Variants in RBFOX1 observed in about 807,000 individuals in gnomAD.
The protein encoded by RBFOX1 is RNA binding protein fox-1 homolog 1.
RBFOX1 carries 8 observed loss-of-function variants against 57.7 expected under a neutral mutation model. The ratio of observed to expected loss-of-function variants is 0.14; its 90% CI spans 0.08 to 0.25. The LOEUF (loss-of-function observed/expected upper bound fraction) is 0.25. RBFOX1 is among the 10% of genes least tolerant of loss of function. RBFOX1 has a pLI of 1.00. For missense variants in RBFOX1, 611 were observed against 548.5 expected (o/e 1.11, Z -1.14); for synonymous variants, 326 against 222.4 (o/e 1.47, Z -4.15).
intron 2 of RBFOX1, among the ~76,000 whole-genome samples, chr16:5,556,767 C>G (rs73524704): frequency 2.6e-5 from 4 of 151,362 alleles, no homozygotes; most frequent in South Asian, 4.2e-4. Flanking sequence ...AAAGATGCCA[C>G]GAAAACAAAA....
At chr16:5,308,435 C>G (rs770017396) in intron 1 of RBFOX1, among the ~76,000 whole-genome samples, 1 of 152,100 alleles carries the variant, frequency 6.6e-6, no homozygotes, top group Admixed American at 6.5e-5. Flanking sequence ...TGGTGATCAC[C>G]AAGGCTCAGA....
At chr16:5,323,472 C>T (rs1433888637) in intron 1 of RBFOX1, among the ~76,000 whole-genome samples, 1 of 152,214 alleles carries the variant, frequency 6.6e-6, no homozygotes, top group Non-Finnish European at 1.5e-5. Flanking sequence ...GGTTCTCTGG[C>T]ATCTGAAACA....
chr16:6,235,558 A>ATG (rs3064942), intron 1 of RBFOX1, among the ~76,000 whole-genome samples: 9,302 of 147,134 alleles, frequency 0.063, 374 homozygotes, highest in Middle Eastern at 0.14. Flanking sequence ...GCGTGTATGT[A>ATG]TGTGTGTGTG....
chr16:6,676,701 G>C (rs1423533467), intron 3 of RBFOX1, among the ~76,000 whole-genome samples: 21 of 100,998 alleles, frequency 2.1e-4, no homozygotes, highest in Non-Finnish European at 3.5e-4. Flanking sequence ...TTGAGACAAA[G>C]TCTCACTCTT....
At chr16:6,510,844 G>T (rs1397218587) in intron 2 of RBFOX1, among the ~76,000 whole-genome samples, 1 of 150,946 alleles carries the variant, frequency 6.6e-6, no homozygotes, top group Non-Finnish European at 1.5e-5. Flanking sequence ...CACCCTTAGT[G>T]CTGCACCCTT....
chr16:6,301,131 AT>A (rs1348977352), intron 1 of RBFOX1, among the ~76,000 whole-genome samples: 2 of 152,168 alleles, frequency 1.3e-5, no homozygotes, highest in Non-Finnish European at 2.9e-5. Context: ...TGGAATGTAG[AT>A]TTTTTTCTTT....
chr16:6,781,058 A>C (rs1251142395), intron 3 of RBFOX1, among the ~76,000 whole-genome samples: 2 of 152,136 alleles, frequency 1.3e-5, no homozygotes, highest in Non-Finnish European at 2.9e-5. Context: ...TTACTCAAAA[A>C]GTATTTACCC....
intron 4 of RBFOX1, among the ~76,000 whole-genome samples, chr16:7,366,540 T>C (rs2097452730): frequency 6.6e-6 from 1 of 152,188 alleles, no homozygotes; most frequent in Non-Finnish European, 1.5e-5. Context: ...CCTTCCTCCC[T>C]GGTCCAACCA....
At chr16:6,024,926 G>A (rs923348298) in intron 1 of RBFOX1, among the ~76,000 whole-genome samples, 6 of 152,228 alleles carry the variant, frequency 3.9e-5, no homozygotes, top group African/African-American at 1.4e-4. Context: ...TAGGATAGTT[G>A]TCTGCATGGA....
intron 10 of RBFOX1, among the ~76,000 whole-genome samples, chr16:7,625,764 T>C (rs1176233211): frequency 6.6e-6 from 1 of 152,214 alleles, no homozygotes; most frequent in South Asian, 2.1e-4. Context: ...CGGGCAGACA[T>C]TGCCAAACAG....
intron 4 of RBFOX1, among the ~76,000 whole-genome samples, chr16:6,006,527 G>A (rs1373217517): frequency 1.3e-5 from 2 of 152,218 alleles, no homozygotes; most frequent in South Asian, 4.1e-4. Flanking sequence ...AGAAAGAAGA[G>A]ATGGAGACAG....
intron 4 of RBFOX1, among the ~76,000 whole-genome samples, chr16:5,909,274 A>G (rs2152205691): frequency 6.6e-6 from 1 of 151,924 alleles, no homozygotes; most frequent in South Asian, 2.1e-4. Flanking sequence ...TTGTATTTTT[A>G]GTAGAGACTG....
At chr16:7,225,553 A>G (rs2093040923) in intron 4 of RBFOX1, among the ~76,000 whole-genome samples, 1 of 151,912 alleles carries the variant, frequency 6.6e-6, no homozygotes, top group African/African-American at 2.4e-5. Context: ...TCTTTATTGC[A>G]TCATGAAAGT....
At chr16:7,709,196 C>G in intron 15 of RBFOX1, 65 bp downstream of exon 15, 1 of 1,452,286 alleles carries the variant, frequency 6.9e-7, no homozygotes. Context: ...CAGCTGGGAC[C>G]TCAGTACGGG....
intron 4 of RBFOX1, among the ~76,000 whole-genome samples, chr16:7,170,037 G>T (rs927687707): frequency 3.9e-5 from 6 of 152,128 alleles, no homozygotes; most frequent in African/African-American, 1.2e-4. Context: ...TTGTGCCAAT[G>T]CACTCTAGCC....
At chr16:6,374,937 A>G (rs2090970894) in intron 2 of RBFOX1, among the ~76,000 whole-genome samples, 1 of 152,220 alleles carries the variant, frequency 6.6e-6, no homozygotes, top group Admixed American at 6.5e-5. Context: ...AGCAACTGGC[A>G]GTTTTAAAAA....
At chr16:7,001,710 G>C (rs1434013008) in intron 3 of RBFOX1, among the ~76,000 whole-genome samples, 1 of 152,154 alleles carries the variant, frequency 6.6e-6, no homozygotes, top group Non-Finnish European at 1.5e-5. Context: ...ATCCTCCTTG[G>C]CCTCCCACGG....
intron 3 of RBFOX1, among the ~76,000 whole-genome samples, chr16:5,634,303 C>A (rs2048614230): frequency 6.6e-6 from 1 of 152,320 alleles, no homozygotes; most frequent in Admixed American, 6.5e-5. Flanking sequence ...TTTTCACTTT[C>A]TCCATACTTT....
At chr16:6,210,257 G>A (rs2097284415) in intron 1 of RBFOX1, among the ~76,000 whole-genome samples, 1 of 148,038 alleles carries the variant, frequency 6.8e-6, no homozygotes. Context: ...GGTAGAAATT[G>A]CAGTAAGCTG....
Sources: allele counts gnomAD v4.1 joint callset (sites outside exome capture counted in the v4.1 genomes callset), GRCh38; gene constraint gnomAD v4.1.1; transcripts MANE v1.5; gene names NCBI Gene and HGNC (gene_info 2026-07-23, HGNC 2026-07-21).